PTPRD: variants seen among roughly 807,000 people sequenced by gnomAD.
PTPRD encodes the protein protein tyrosine phosphatase receptor type D, also known as receptor-type tyrosine-protein phosphatase delta.
In PTPRD, 34 loss-of-function variants were observed where a neutral mutation model predicts 214.5. The observed-to-expected ratio is 0.16, with a 90% confidence interval of 0.12 to 0.21. The LOEUF (loss-of-function observed/expected upper bound fraction) is 0.21. PTPRD is among the 10% of genes least tolerant of loss of function. The pLI is 1.00. For synonymous variants in PTPRD, 1,128 were observed against 845.7 expected, an observed-to-expected ratio of 1.33 and a Z score of -5.79; for missense variants, 2,545 against 2,398.7, an observed-to-expected ratio of 1.06 and a Z score of -1.27.
chr9:9,893,467 T>C (rs891350245), intron 5 of PTPRD, among the ~76,000 whole-genome samples: 2 of 152,026 alleles, frequency 1.3e-5, no homozygotes, highest in Non-Finnish European at 2.9e-5. Context: ...ACAAAAAATA[T>C]TTCTAATAGA....
rs2099532630 is a variant in PTPRD at position 10,214,570 on chromosome 9, C to G, written c.-545+126393G>C. On this transcript the variant is annotated intron_variant, in intron 3 of 45. Transcript: ENST00000381196. Reference sequence around the variant, plus strand: ...AGAATACACACCCGAGCTATTGCACCCAGCCAACTATTAATTCTTACTGGA... The same window carrying G: ...AGAATACACACCCGAGCTATTGCACGCAGCCAACTATTAATTCTTACTGGA... Among the ~76,000 whole-genome samples the G allele has an allele frequency of 2.0e-5, 3 of 151,836 alleles. No individual in the cohort carries two copies. The South Asian group carries it at 6.2e-4, about 32-fold the overall frequency.
chr9:10,372,344 AC>A (rs2097643957), intron 2 of PTPRD, among the ~76,000 whole-genome samples: 1 of 152,034 alleles, frequency 6.6e-6, no homozygotes, highest in South Asian at 2.1e-4. Context: ...TAAAAGTGCC[AC>A]ATGCCTTTGT....
At chr9:8,560,594 CAA>C (rs2085828621) in intron 14 of PTPRD, among the ~76,000 whole-genome samples, 1 of 151,998 alleles carries the variant, frequency 6.6e-6, no homozygotes, top group South Asian at 2.1e-4. Context: ...AGGAGCTGAA[CAA>C]AGTCATTCAA....
intron 12 of PTPRD, among the ~76,000 whole-genome samples, chr9:8,709,514 C>CAAAAAAAAAAA (rs758112672): frequency 3.6e-5 from 2 of 56,320 alleles, no homozygotes; most frequent in East Asian, 4.8e-4. Context: ...GACTCCATCT[C>CAAAAAAAAAAA]AAAAAAAAAA....
intron 10 of PTPRD, among the ~76,000 whole-genome samples, chr9:9,082,620 T>C (rs1186336842): frequency 6.6e-6 from 1 of 152,148 alleles, no homozygotes; most frequent in Non-Finnish European, 1.5e-5. Context: ...TGTCTTTCTT[T>C]GCGGATGACA....
intron 14 of PTPRD, among the ~76,000 whole-genome samples, chr9:8,569,893 C>T (rs146909683): frequency 4.0e-4 from 61 of 152,194 alleles, no homozygotes; most frequent in African/African-American, 1.4e-3. Context: ...TTTTGTTATA[C>T]ATAATGAAAG....
intron 3 of PTPRD, among the ~76,000 whole-genome samples, chr9:10,283,859 T>G (rs1006710397): frequency 6.6e-6 from 1 of 152,146 alleles, no homozygotes; most frequent in Non-Finnish European, 1.5e-5. Flanking sequence ...ATTCTGAAAC[T>G]GGTTAGGGTC....
chr9:9,132,189 T>A (rs1297302834), intron 10 of PTPRD, among the ~76,000 whole-genome samples: 1 of 152,082 alleles, frequency 6.6e-6, no homozygotes, highest in Non-Finnish European at 1.5e-5. Context: ...TTGTATTTTT[T>A]TGGTAGAGAG....
intron 3 of PTPRD, among the ~76,000 whole-genome samples, chr9:10,064,816 G>A (rs1010068046): frequency 6.6e-6 from 1 of 151,908 alleles, no homozygotes. Context: ...AATAAAAGTT[G>A]AAATTATAAA....
intron 10 of PTPRD, among the ~76,000 whole-genome samples, chr9:9,086,670 C>G (rs1044695159): frequency 2.0e-5 from 3 of 152,148 alleles, no homozygotes; most frequent in African/African-American, 7.2e-5. Context: ...CATCAGGATG[C>G]CATTCCCTTG....
At chr9:8,809,671 T>A (rs567871903) in intron 11 of PTPRD, among the ~76,000 whole-genome samples, 1 of 152,174 alleles carries the variant, frequency 6.6e-6, no homozygotes, top group African/African-American at 2.4e-5. Context: ...CTTATCTCCA[T>A]TGATTTCTAT....
intron 3 of PTPRD, among the ~76,000 whole-genome samples, chr9:10,093,135 G>A (rs1202595450): frequency 2.6e-5 from 4 of 151,104 alleles, no homozygotes; most frequent in Non-Finnish European, 4.4e-5. Context: ...TTCTGCACAC[G>A]AAAAGAAAAG....
chr9:9,289,132 C>T (rs146555381), intron 9 of PTPRD, among the ~76,000 whole-genome samples: 5 of 151,756 alleles, frequency 3.3e-5, no homozygotes, highest in Non-Finnish European at 4.4e-5. Context: ...CAAATAGTTA[C>T]CCTCTAGAAC....
At chr9:10,482,581 A>G (rs892193958) in intron 2 of PTPRD, among the ~76,000 whole-genome samples, 5 of 151,988 alleles carry the variant, frequency 3.3e-5, no homozygotes, top group African/African-American at 1.2e-4. Flanking sequence ...AGACCCCTCA[A>G]AAAGATTATG....
In PTPRD at chr9:10,543,475, T is replaced by TACACACACACAC. The variant is rs201493444; in HGVS notation, c.-600+68922_-600+68923insGTGTGTGTGTGT. Among the ~76,000 whole-genome samples the TACACACACACAC allele has an allele frequency of 1.3e-3, 135 of 104,354 alleles. 1 individual carries two copies. In the Middle Eastern group the frequency reaches 0.015, roughly 11 times the overall value. 68.5% of individuals were successfully genotyped at this position (104,354 alleles called of 152,430 possible). A position where few individuals can be genotyped will look rare whatever the true frequency, so the allele number is the denominator to read the frequency against. Reference sequence around the variant, plus strand: ...ACCAGTTTGAAGAGTTTAATATATATATATACACACACACACACACACACA... The same window carrying TACACACACACAC: ...ACCAGTTTGAAGAGTTTAATATATATACACACACACACATATACACACACACACACACACACA... On this transcript the variant is annotated intron_variant, in intron 2 of 45. Transcript: ENST00000381196.
At chr9:10,086,254 C>T (rs2098335681) in intron 3 of PTPRD, among the ~76,000 whole-genome samples, 1 of 151,652 alleles carries the variant, frequency 6.6e-6, no homozygotes, top group Non-Finnish European at 1.5e-5. Flanking sequence ...TAGATGTGAT[C>T]CTCCATAAAA....
chr9:10,176,139 C>T (rs2099247240), intron 3 of PTPRD, among the ~76,000 whole-genome samples: 1 of 151,812 alleles, frequency 6.6e-6, no homozygotes, highest in African/African-American at 2.4e-5. Flanking sequence ...ACTTTAAATA[C>T]TTCTTACTCA....
intron 2 of PTPRD, among the ~76,000 whole-genome samples, chr9:10,521,744 G>A (rs1463783548): frequency 1.3e-5 from 2 of 152,094 alleles, no homozygotes; most frequent in Non-Finnish European, 2.9e-5. Context: ...AATTATGACC[G>A]ACTGATGGGA....
intron 10 of PTPRD, among the ~76,000 whole-genome samples, chr9:9,054,053 A>G (rs2099691700): frequency 6.6e-6 from 1 of 152,156 alleles, no homozygotes; most frequent in Admixed American, 6.5e-5. Flanking sequence ...CAATGATAAC[A>G]ATTAAAGTCC....
Sources: allele counts gnomAD v4.1 joint callset (sites outside exome capture counted in the v4.1 genomes callset), GRCh38; gene constraint gnomAD v4.1.1; transcripts MANE v1.5; gene names NCBI Gene and HGNC (gene_info 2026-07-23, HGNC 2026-07-21).